The following FNBP1 variants were observed in gnomAD, a reference collection of about 807,000 sequenced individuals.
FNBP1 encodes the protein formin-binding protein 1.
FNBP1 carries 26 observed loss-of-function variants against 90.6 expected under a neutral mutation model. The ratio of observed to expected loss-of-function variants is 0.29; its 90% CI spans 0.21 to 0.40. FNBP1 has a LOEUF of 0.40. FNBP1 is among the 10% of genes least tolerant of loss of function. The pLI, the probability that FNBP1 is intolerant of heterozygous loss-of-function variation, is 1.00. For synonymous variants in FNBP1, 260 were observed against 265.2 expected, an observed-to-expected ratio of 0.98 and a Z score of 0.19; for missense variants, 635 against 768.0, an observed-to-expected ratio of 0.83 and a Z score of 2.05.
chr9:130,043,872 A>T (rs919645196), upstream of FNBP1, among the ~76,000 whole-genome samples: 1 of 152,236 alleles, frequency 6.6e-6, no homozygotes, highest in Non-Finnish European at 1.5e-5. Context: ...GGGTACACAG[A>T]TAACTTGTTT....
intron 1 of FNBP1, among the ~76,000 whole-genome samples, chr9:130,022,229 G>A (rs149505192): frequency 4.2e-4 from 62 of 149,330 alleles, no homozygotes; most frequent in African/African-American, 1.4e-3. Context: ...TTTTTGAGAC[G>A]GAGTCTCACT....
rs56139800 is a variant in FNBP1 at position 129,910,847 on chromosome 9, ATG to A, written c.1186-1850_1186-1849del. ...ATCAGACACACTGACTGACTCTCTA[ATG>A]TGTGTGTGTGTGTGTGTATGTGTGT... On this transcript the variant is annotated intron_variant, in intron 11 of 16. Transcript: ENST00000446176. Among the ~76,000 whole-genome samples the A allele has an allele frequency of 7.7e-3, 1,027 of 132,856 alleles. 11 individuals carry two copies. The highest frequency in any genetic ancestry group is 0.024 in the African/African-American group (952 of 40,274). 87.2% of individuals were successfully genotyped at this position (132,856 alleles called of 152,430 possible).
chr9:130,006,604 A>G (rs1485357945), intron 1 of FNBP1, among the ~76,000 whole-genome samples: 1 of 152,178 alleles, frequency 6.6e-6, no homozygotes, highest in Non-Finnish European at 1.5e-5. Flanking sequence ...CAGGAGGCGG[A>G]GGTTGCAGTG....
At chr9:129,949,863 T>C (rs1294112611) in intron 6 of FNBP1, among the ~76,000 whole-genome samples, 1 of 152,168 alleles carries the variant, frequency 6.6e-6, no homozygotes, top group Non-Finnish European at 1.5e-5. Flanking sequence ...GTTTAAAAAA[T>C]GAACGTATGC....
At chr9:129,986,670 G>A (rs1014834993) in intron 2 of FNBP1, among the ~76,000 whole-genome samples, 1 of 151,448 alleles carries the variant, frequency 6.6e-6, no homozygotes, top group Non-Finnish European at 1.5e-5. Flanking sequence ...GGCGCCTGTA[G>A]TCCCAGCTAC....
intron 6 of FNBP1, among the ~76,000 whole-genome samples, 165 bp from the exon 7 acceptor site, chr9:129,929,860 G>A (rs1381732036): frequency 2.0e-5 from 3 of 152,058 alleles, no homozygotes; most frequent in Non-Finnish European, 4.4e-5. Context: ...TTGACTTTAG[G>A]TAAGCAATGT....
intron 6 of FNBP1, among the ~76,000 whole-genome samples, chr9:129,956,776 A>G (rs1274068176): frequency 6.6e-6 from 1 of 152,156 alleles, no homozygotes; most frequent in Non-Finnish European, 1.5e-5. Context: ...AAGAGCCACA[A>G]CCTTCTGGAA....
At chr9:129,924,222 G>A (rs759453913) in intron 9 of FNBP1, among the ~76,000 whole-genome samples, 196 bp from the exon 10 acceptor site, 82 of 152,206 alleles carry the variant, frequency 5.4e-4, no homozygotes, top group Non-Finnish European at 1.1e-3. Context: ...GGTTTAGTAA[G>A]TAATGCGACA....
chr9:129,939,327 T>C (rs534096915), intron 6 of FNBP1, among the ~76,000 whole-genome samples: 110 of 150,388 alleles, frequency 7.3e-4, no homozygotes, highest in African/African-American at 2.6e-3. Flanking sequence ...AGGCAGAGGC[T>C]GCAGTGAGCC....
intron 16 of FNBP1, among the ~76,000 whole-genome samples, chr9:129,891,520 C>A (rs1453408775): frequency 1.3e-5 from 2 of 152,130 alleles, no homozygotes; most frequent in African/African-American, 4.8e-5. Context: ...GTACAAGGAA[C>A]ATGAAGGTCC....
chr9:130,008,672 T>C (rs1445399997), intron 1 of FNBP1, among the ~76,000 whole-genome samples: 2 of 152,214 alleles, frequency 1.3e-5, no homozygotes, highest in Non-Finnish European at 2.9e-5. Flanking sequence ...GTTCATTTCC[T>C]GATTTCTATG....
the FNBP1 span, among the ~76,000 whole-genome samples, chr9:130,049,467 A>G: frequency 3.9e-5 from 6 of 152,290 alleles, no homozygotes; most frequent in East Asian, 5.8e-4. Context: ...TAATCCCAGC[A>G]CTTTGGGAGG....
chr9:129,977,996 A>T (rs901242287), intron 4 of FNBP1, among the ~76,000 whole-genome samples: 2 of 151,976 alleles, frequency 1.3e-5, no homozygotes, highest in African/African-American at 4.8e-5. Context: ...AACACTTTCT[A>T]GGAACAGGGT....
chr9:130,043,194 G>A (rs1205313495), upstream of FNBP1: 1 of 362,268 alleles, frequency 2.8e-6, no homozygotes. Flanking sequence ...AGCCGCGGCC[G>A]CCGCAGCGCC....
intron 4 of FNBP1, among the ~76,000 whole-genome samples, chr9:129,971,034 C>A (rs887372990): frequency 1.3e-5 from 2 of 151,654 alleles, no homozygotes; most frequent in African/African-American, 4.8e-5. Context: ...TACAGGCGCA[C>A]ACCACCACAC....
chr9:129,965,803 A>G (rs747503946), intron 4 of FNBP1, among the ~76,000 whole-genome samples: 1,259 of 52,370 alleles, frequency 0.024, 10 homozygotes, highest in East Asian at 0.041. Flanking sequence ...GGAGGGGGGA[A>G]GGAGGGAGGG....
At chr9:129,962,809 A>G (rs2048019753) in intron 4 of FNBP1, among the ~76,000 whole-genome samples, 1 of 152,170 alleles carries the variant, frequency 6.6e-6, no homozygotes, top group Non-Finnish European at 1.5e-5. Flanking sequence ...AGAGCCAAGG[A>G]CAGGGTTAGG....
At chr9:129,943,965 C>A (rs1363955900) in intron 6 of FNBP1, among the ~76,000 whole-genome samples, 1 of 117,000 alleles carries the variant, frequency 8.5e-6, no homozygotes, top group African/African-American at 3.4e-5. Flanking sequence ...TGCACTCCAG[C>A]CTGGGCGACA....
At chr9:130,053,702 A>G in the FNBP1 span, 4 of 563,500 alleles carry the variant, frequency 7.1e-6, no homozygotes, top group Admixed American at 6.5e-5. Flanking sequence ...AACCGCCAAT[A>G]GGTTGGCTTC....
Sources: gnomAD v4.1 joint callset for allele counts (sites outside exome capture counted in the v4.1 genomes callset) on GRCh38, gnomAD v4.1.1 for gene constraint, MANE v1.5 for transcripts, NCBI Gene and HGNC (gene_info 2026-07-23, HGNC 2026-07-21) for gene names.